SND1: variants seen among roughly 807,000 people sequenced by gnomAD.
SND1 encodes the protein staphylococcal nuclease and tudor domain containing 1, also known as staphylococcal nuclease domain-containing protein 1.
SND1 carries 38 observed loss-of-function variants against 121.7 expected under a neutral mutation model. The ratio of observed to expected loss-of-function variants is 0.31; its 90% confidence interval spans 0.24 to 0.41. The LOEUF is 0.41. SND1 is among the 10% of genes least tolerant of loss of function. The pLI, the probability that SND1 is intolerant of heterozygous loss-of-function variation, is 1.00. For synonymous variants in SND1, 401 were observed against 447.4 expected, an observed-to-expected ratio of 0.90 and a Z score of 1.31; for missense variants, 868 against 1,184.6, an observed-to-expected ratio of 0.73 and a Z score of 3.92.
At chr7:128,082,038 G>A (rs530153207) in intron 18 of SND1, 23 of 517,094 alleles carry the variant, frequency 4.4e-5, no homozygotes, top group South Asian at 1.3e-4. Context: ...AGACATCCCC[G>A]GGCAGTCTCT....
chr7:127,984,401 A>G (rs571244615), intron 15 of SND1, among the ~76,000 whole-genome samples: 5 of 152,300 alleles, frequency 3.3e-5, no homozygotes, highest in African/African-American at 1.2e-4. Context: ...ACCATGGGAA[A>G]GTGGGATGTA....
intron 16 of SND1, among the ~76,000 whole-genome samples, chr7:128,023,091 G>A (rs1803395510): frequency 6.6e-6 from 1 of 152,166 alleles, no homozygotes; most frequent in African/African-American, 2.4e-5. Flanking sequence ...CCTCTTGCTT[G>A]CTAAGGCAGA....
chr7:127,688,967 T>C (rs1795868305), intron 2 of SND1, among the ~76,000 whole-genome samples: 2 of 152,202 alleles, frequency 1.3e-5, no homozygotes, highest in South Asian at 4.1e-4. Context: ...AGCAATGGTA[T>C]AGATAATAGA....
intron 12 of SND1, chr7:127,858,101 C>T (rs1799315158): frequency 2.2e-6 from 2 of 918,788 alleles, no homozygotes; most frequent in South Asian, 1.3e-5. Flanking sequence ...TCCAGTTCCC[C>T]CTCTGCCACT....
At chr7:127,931,763 G>A (rs937507033) in intron 15 of SND1, among the ~76,000 whole-genome samples, 18 of 152,126 alleles carry the variant, frequency 1.2e-4, no homozygotes, top group African/African-American at 4.3e-4. Context: ...AAAACCTAAG[G>A]CTCTTAAGAA....
At chr7:128,070,407 A>G (rs546319573) in intron 16 of SND1, among the ~76,000 whole-genome samples, 6 of 152,304 alleles carry the variant, frequency 3.9e-5, no homozygotes, top group South Asian at 4.1e-4. Flanking sequence ...GCATGCTCTC[A>G]TACGAAGCCT....
intron 10 of SND1, among the ~76,000 whole-genome samples, chr7:127,740,029 A>C (rs551270769): frequency 1.3e-5 from 2 of 152,298 alleles, no homozygotes; most frequent in African/African-American, 4.8e-5. Context: ...AAACAGTTGC[A>C]CTTCTGGCTG....
intron 15 of SND1, among the ~76,000 whole-genome samples, chr7:127,941,169 C>G (rs530182702): frequency 6.6e-6 from 1 of 152,330 alleles, no homozygotes; most frequent in South Asian, 2.1e-4. Context: ...TTCCAATTTA[C>G]TTAAATGACC....
chr7:127,896,999 T>G (rs1210058913), intron 13 of SND1, among the ~76,000 whole-genome samples: 1 of 152,142 alleles, frequency 6.6e-6, no homozygotes, highest in Non-Finnish European at 1.5e-5. Context: ...TAATCACTGA[T>G]ACATCAATGC....
chr7:128,000,797 A>G (rs1241029859), intron 16 of SND1, among the ~76,000 whole-genome samples: 2 of 152,186 alleles, frequency 1.3e-5, no homozygotes, highest in African/African-American at 2.4e-5. Context: ...TTCAACTCAT[A>G]TCTTTTTAGA....
chr7:127,967,919 C>G (rs911765623), intron 15 of SND1, among the ~76,000 whole-genome samples: 3 of 152,186 alleles, frequency 2.0e-5, no homozygotes, highest in Non-Finnish European at 4.4e-5. Context: ...TATAATAACA[C>G]GTACTTCTCA....
At chr7:127,747,415 A>G (rs1232611014) in intron 10 of SND1, among the ~76,000 whole-genome samples, 2 of 152,102 alleles carry the variant, frequency 1.3e-5, no homozygotes, top group East Asian at 3.9e-4. Context: ...TATTGTTTTT[A>G]TTCAAGGTTC....
intron 2 of SND1, among the ~76,000 whole-genome samples, chr7:127,691,172 T>C (rs1795906783): frequency 6.6e-6 from 1 of 152,046 alleles, no homozygotes; most frequent in Non-Finnish European, 1.5e-5. Flanking sequence ...AAAGAACTTA[T>C]TCATTTAACT....
rs370122914 is a variant in SND1 at position 127,724,330 on chromosome 7, G to A, written c.1152+2930G>A. Among the ~76,000 whole-genome samples the A allele has an allele frequency of 4.6e-5, 7 of 152,352 alleles. No homozygotes were observed. In the South Asian group the frequency reaches 6.2e-4, roughly 14 times the overall value. On this transcript the variant is annotated intron_variant, in intron 10 of 23. Coordinates refer to ENST00000354725, the MANE Select transcript of SND1 (RefSeq NM_014390.4). Reference sequence around the variant, plus strand: ...ATATTAGGAATTAGCTAGATAAAAAGTGGGAGAAGACAGTTTCTGACCTGG... The same window carrying A: ...ATATTAGGAATTAGCTAGATAAAAAATGGGAGAAGACAGTTTCTGACCTGG...
intron 11 of SND1, among the ~76,000 whole-genome samples, chr7:127,826,156 A>T (rs976766618): frequency 3.3e-5 from 5 of 152,174 alleles, no homozygotes; most frequent in East Asian, 1.9e-4. Context: ...GCGCCACCAC[A>T]CTCCAGCCTG....
intron 16 of SND1, among the ~76,000 whole-genome samples, chr7:128,026,573 C>G (rs1803484164): frequency 6.6e-6 from 1 of 152,202 alleles, no homozygotes; most frequent in South Asian, 2.1e-4. Context: ...AGACAGACAC[C>G]TACCACCAAA....
intron 15 of SND1, among the ~76,000 whole-genome samples, chr7:127,971,333 G>A (rs1563074680): frequency 6.6e-6 from 1 of 152,176 alleles, no homozygotes; most frequent in Non-Finnish European, 1.5e-5. Context: ...AAAAAGCATC[G>A]TTATTCAGAA....
chr7:127,703,403 T>C (rs1796137355), intron 7 of SND1, 80 bp downstream of exon 7: 1 of 1,496,692 alleles, frequency 6.7e-7, no homozygotes, highest in African/African-American at 1.4e-5. Flanking sequence ...TGCTTCTCTT[T>C]CTCTGTATTT....
chr7:127,770,094 G>A (rs1797487759), intron 10 of SND1, among the ~76,000 whole-genome samples: 1 of 152,226 alleles, frequency 6.6e-6, no homozygotes, highest in Non-Finnish European at 1.5e-5. Flanking sequence ...GGTGTGCAGG[G>A]TGGCAGGCAG....
Sources: gnomAD v4.1 joint callset for allele counts (sites outside exome capture counted in the v4.1 genomes callset) on GRCh38, gnomAD v4.1.1 for gene constraint, MANE v1.5 for transcripts, NCBI Gene and HGNC (gene_info 2026-07-23, HGNC 2026-07-21) for gene names.